Variants in NKAIN2 observed in about 807,000 individuals in gnomAD.
NKAIN2 encodes sodium/potassium transporting ATPase interacting 2, also known as sodium/potassium-transporting ATPase subunit beta-1-interacting protein 2.
Under a neutral mutation model 32.6 loss-of-function variants are expected in NKAIN2, and 14 were observed. The ratio of observed to expected loss-of-function variants is 0.43; its 90% CI spans 0.28 to 0.67. The LOEUF is 0.67. NKAIN2 is among the 30% of genes least tolerant of loss of function. The pLI is 0.17. For synonymous variants in NKAIN2, 80 were observed against 87.2 expected, an observed-to-expected ratio of 0.92 and a Z score of 0.46; for missense variants, 198 against 258.3, an observed-to-expected ratio of 0.77 and a Z score of 1.60.
chr6:124,733,152 G>A (rs1299305920), intron 4 of NKAIN2, among the ~76,000 whole-genome samples: 1 of 151,938 alleles, frequency 6.6e-6, no homozygotes, highest in African/African-American at 2.4e-5. Flanking sequence ...TATCAGGAGT[G>A]AGGGGTGAGG....
chr6:124,398,857 A>G (rs189374307), intron 3 of NKAIN2, among the ~76,000 whole-genome samples: 1 of 152,330 alleles, frequency 6.6e-6, no homozygotes, highest in East Asian at 1.9e-4. Context: ...GGGGGAAGAT[A>G]TTTGAAAATT....
rs1484293221 is a variant in NKAIN2, at chr6:124,264,949, A to G, written c.55-18056A>G. Among the ~76,000 whole-genome samples the G allele has an allele frequency of 2.0e-5, 3 of 152,196 alleles. No homozygotes were observed. In the South Asian group the frequency reaches 6.2e-4, roughly 31 times the overall value. On this transcript the variant is annotated intron_variant, in intron 1 of 6. Transcript: ENST00000368417. ...ACAATTGATATCTCATAATTTTTATAATATATGTGTTGATAGAAATCACTG... is the reference window on the plus strand; with the variant it reads ...ACAATTGATATCTCATAATTTTTATGATATATGTGTTGATAGAAATCACTG...
intron 3 of NKAIN2, among the ~76,000 whole-genome samples, chr6:124,611,545 A>T (rs761290326): frequency 2.6e-5 from 4 of 152,070 alleles, no homozygotes; most frequent in Non-Finnish European, 4.4e-5. Context: ...ACCTCCCGAC[A>T]GGCCCTGGTG....
chr6:124,695,401 T>C (rs929239045), intron 4 of NKAIN2, among the ~76,000 whole-genome samples: 1 of 152,196 alleles, frequency 6.6e-6, no homozygotes, highest in African/African-American at 2.4e-5. Flanking sequence ...ACCAGGACAA[T>C]AGCATGAATC....
At chr6:124,012,700 G>T (rs1258229379) in intron 1 of NKAIN2, among the ~76,000 whole-genome samples, 1 of 152,076 alleles carries the variant, frequency 6.6e-6, no homozygotes, top group East Asian at 1.9e-4. Context: ...CCATTTTATG[G>T]ATGTACCACA....
chr6:123,950,869 AG>A (rs1285408839), intron 1 of NKAIN2, among the ~76,000 whole-genome samples: 1 of 151,806 alleles, frequency 6.6e-6, no homozygotes, highest in Non-Finnish European at 1.5e-5. Flanking sequence ...AGTTCCTTGA[AG>A]GGTATATTAG....
At chr6:123,843,628 G>A (rs180982584) in intron 1 of NKAIN2, among the ~76,000 whole-genome samples, 110 of 152,166 alleles carry the variant, frequency 7.2e-4, no homozygotes, top group African/African-American at 2.5e-3. Flanking sequence ...CAGTGACCTC[G>A]CCCTCTTCTA....
At chr6:124,786,556 T>G (rs574313043) in intron 4 of NKAIN2, among the ~76,000 whole-genome samples, 1 of 152,272 alleles carries the variant, frequency 6.6e-6, no homozygotes, top group African/African-American at 2.4e-5. Context: ...AGAATTTTAA[T>G]CTGATTTAGT....
At chr6:124,394,338 T>A (rs1472186476) in intron 3 of NKAIN2, among the ~76,000 whole-genome samples, 1 of 152,144 alleles carries the variant, frequency 6.6e-6, no homozygotes, top group Admixed American at 6.6e-5. Context: ...ACTCTTTTTC[T>A]TGGCTTCCTT....
At position 124,233,745 on chromosome 6, in the gene NKAIN2, T is replaced by C. The variant is rs1433186183; in HGVS notation, c.55-49260T>C. Among the ~76,000 whole-genome samples the C allele has an allele frequency of 2.0e-5, 3 of 152,282 alleles. No homozygotes were observed. The East Asian group carries it at 5.8e-4, about 29-fold the overall frequency. ...TGTCTACTAGGGACATTACATAACA[T>C]GTGATGTCTAGAGAAAGAATGGGAT... On this transcript the variant is annotated intron_variant, in intron 1 of 6. Coordinates refer to ENST00000368417, the MANE Select transcript of NKAIN2 (RefSeq NM_001040214.3).
intron 3 of NKAIN2, among the ~76,000 whole-genome samples, chr6:124,548,175 T>C (rs1780163817): frequency 6.6e-6 from 1 of 152,192 alleles, no homozygotes; most frequent in Non-Finnish European, 1.5e-5. Context: ...CTGTAGTATA[T>C]CTGTAAATCA....
chr6:124,677,778 T>A (rs1299572633), intron 4 of NKAIN2, among the ~76,000 whole-genome samples: 1 of 152,174 alleles, frequency 6.6e-6, no homozygotes, highest in Non-Finnish European at 1.5e-5. Flanking sequence ...TCTGTATTTA[T>A]CCCTTATGTA....
chr6:124,580,973 C>A (rs1027515192), intron 3 of NKAIN2, among the ~76,000 whole-genome samples: 1 of 152,076 alleles, frequency 6.6e-6, no homozygotes, highest in Non-Finnish European at 1.5e-5. Flanking sequence ...GGAGCCAATT[C>A]AACAAGATGA....
intron 4 of NKAIN2, among the ~76,000 whole-genome samples, chr6:124,766,990 GT>G (rs1778542604): frequency 1.3e-5 from 2 of 152,008 alleles, no homozygotes; most frequent in African/African-American, 4.8e-5. Flanking sequence ...TGCCTCCCTG[GT>G]TCAAGCAATT....
chr6:123,858,176 C>T (rs971696913), intron 1 of NKAIN2, among the ~76,000 whole-genome samples: 1 of 151,188 alleles, frequency 6.6e-6, no homozygotes, highest in African/African-American at 2.4e-5. Context: ...AGTGCAGTGG[C>T]GTGATCTCAG....
At chr6:124,044,383 A>C (rs939016716) in intron 1 of NKAIN2, among the ~76,000 whole-genome samples, 4 of 151,784 alleles carry the variant, frequency 2.6e-5, no homozygotes, top group African/African-American at 9.7e-5. Context: ...TCTGAACTAG[A>C]CTCTCATCGC....
At chr6:124,346,108 G>T (rs1454900568) in intron 2 of NKAIN2, among the ~76,000 whole-genome samples, 1 of 152,092 alleles carries the variant, frequency 6.6e-6, no homozygotes, top group Non-Finnish European at 1.5e-5. Flanking sequence ...AGTCATTCAG[G>T]AGCAGGTTGT....
chr6:124,655,742 AC>A (rs1409452760), intron 3 of NKAIN2, among the ~76,000 whole-genome samples: 1 of 152,166 alleles, frequency 6.6e-6, no homozygotes, highest in East Asian at 1.9e-4. Flanking sequence ...ATAAACTCAT[AC>A]ATAGTTGAGT....
At chr6:124,094,382 G>A (rs951738924) in intron 1 of NKAIN2, among the ~76,000 whole-genome samples, 1 of 152,044 alleles carries the variant, frequency 6.6e-6, no homozygotes, top group Non-Finnish European at 1.5e-5. Flanking sequence ...AATATTTAAT[G>A]TAAAATATGA....
Sources: allele counts gnomAD v4.1 joint callset (sites outside exome capture counted in the v4.1 genomes callset), GRCh38; gene constraint gnomAD v4.1.1; transcripts MANE v1.5; gene names NCBI Gene and HGNC (gene_info 2026-07-23, HGNC 2026-07-21).